Variants in QKI observed in about 807,000 individuals in gnomAD.
QKI encodes KH domain-containing RNA-binding protein QKI.
Under a neutral mutation model 39.0 loss-of-function variants are expected in QKI, and 10 were observed. The ratio of observed to expected loss-of-function variants is 0.26; its 90% CI spans 0.16 to 0.43. QKI has a LOEUF of 0.43. Ranked by LOEUF, QKI falls within the 20% of genes least tolerant of loss-of-function variation. The pLI is 1.00. For synonymous variants in QKI, 204 were observed against 155.4 expected (o/e 1.31, Z -2.33); for missense variants, 218 against 428.0 (o/e 0.51, Z 4.33).
At chr6:163,444,204 A>G (rs1263024752) in intron 1 of QKI, among the ~76,000 whole-genome samples, 2 of 152,212 alleles carry the variant, frequency 1.3e-5, no homozygotes. Context: ...GTCAGTACAG[A>G]AGGAGCACAA....
rs571821986 is a variant in QKI at position 163,531,782 on chromosome 6, A to G, written c.403-3200A>G. Among the ~76,000 whole-genome samples the G allele has an allele frequency of 3.3e-5, 5 of 152,330 alleles. No homozygotes were observed. The South Asian group carries it at 8.3e-4, about 25-fold the overall frequency. Reference sequence around the variant, plus strand: ...GGCCCCCCCAAAGTGCTGGGATTACAGGCATGAGCCACTGTGCCCGGCTGA... The same window carrying G: ...GGCCCCCCCAAAGTGCTGGGATTACGGGCATGAGCCACTGTGCCCGGCTGA... On this transcript the variant is annotated intron_variant, in intron 3 of 7. Transcript: ENST00000361752.
rs570513928 is a variant in QKI, at chr6:163,474,201, A to G, written c.286-4579A>G. ...TTTAATGTGATAAAGTGTATCTTCA[A>G]AAAGTTTAAGATTAAACTTTATGGT... On this transcript the variant is annotated intron_variant, in intron 2 of 7. Coordinates refer to ENST00000361752, the MANE Select transcript of QKI (RefSeq NM_006775.3). Among the ~76,000 whole-genome samples, 6 of 152,316 alleles carry G rather than the reference A, an allele frequency of 3.9e-5. No homozygotes were observed. The East Asian group carries it at 9.6e-4, about 24-fold the overall frequency.
chr6:163,515,468 T>C (rs548479930), intron 3 of QKI, among the ~76,000 whole-genome samples: 87 of 152,218 alleles, frequency 5.7e-4, no homozygotes, highest in African/African-American at 2.1e-3. Flanking sequence ...GGAATCAGTA[T>C]AAATGGCCAT....
At chr6:163,415,911 GTTAGT>G (rs748758520) in intron 1 of QKI, 40 of 513,652 alleles carry the variant, frequency 7.8e-5, no homozygotes, top group African/African-American at 1.7e-4. Context: ...TGTGGGGCTC[GTTAGT>G]TTAAAGAAAT....
At chr6:163,531,925 G>A (rs903127136) in intron 3 of QKI, among the ~76,000 whole-genome samples, 2 of 152,188 alleles carry the variant, frequency 1.3e-5, no homozygotes, top group African/African-American at 2.4e-5. Flanking sequence ...GTTTTTAAAA[G>A]TGTAAGCAAA....
chr6:163,443,776 A>G (rs1789934065), intron 1 of QKI, among the ~76,000 whole-genome samples: 1 of 152,210 alleles, frequency 6.6e-6, no homozygotes, highest in South Asian at 2.1e-4. Context: ...TCTGTATTGT[A>G]CTTAGGTGAA....
At chr6:163,511,977 A>G (rs970998538) in intron 3 of QKI, among the ~76,000 whole-genome samples, 3 of 75,308 alleles carry the variant, frequency 4.0e-5, no homozygotes, top group Admixed American at 3.4e-4. Flanking sequence ...TAAATTAACG[A>G]TAAAAAAAGA....
chr6:163,468,783 C>T (rs1358615930), intron 2 of QKI, among the ~76,000 whole-genome samples: 1 of 152,100 alleles, frequency 6.6e-6, no homozygotes, highest in Non-Finnish European at 1.5e-5. Context: ...AGTGTTGTGA[C>T]ATTGTTTTAA....
chr6:163,461,669 G>C (rs1478818317), intron 2 of QKI, among the ~76,000 whole-genome samples: 1 of 152,188 alleles, frequency 6.6e-6, no homozygotes, highest in Non-Finnish European at 1.5e-5. Flanking sequence ...AAATCGAGGA[G>C]AAATCTGCTT....
intron 3 of QKI, among the ~76,000 whole-genome samples, chr6:163,487,921 CTTCA>C (rs1777779112): frequency 6.6e-6 from 1 of 150,864 alleles, no homozygotes; most frequent in African/African-American, 2.4e-5. Context: ...TATTCTGTTT[CTTCA>C]TTCATATTAG....
intron 2 of QKI, chr6:163,457,634 A>ATTTTT (rs375211921): frequency 3.7e-6 from 1 of 270,210 alleles, no homozygotes. Context: ...CACTCCTCTA[A>ATTTTT]TTTTTTTTTT....
chr6:163,422,985 A>G (rs1262050095), intron 1 of QKI: 2 of 152,326 alleles, frequency 1.3e-5, no homozygotes, highest in East Asian at 3.9e-4. Context: ...ATAGTAAGAA[A>G]ACAAACATGC....
intron 3 of QKI, among the ~76,000 whole-genome samples, chr6:163,488,973 C>CTT (rs767477914): frequency 0.41 from 49,972 of 121,788 alleles, 11,681 homozygotes; most frequent in East Asian, 0.71. Flanking sequence ...CCTTCCATTT[C>CTT]TTTTTTTTTT....
chr6:163,558,312 G>A (rs1782766669), intron 4 of QKI, among the ~76,000 whole-genome samples: 1 of 152,022 alleles, frequency 6.6e-6, no homozygotes, highest in Non-Finnish European at 1.5e-5. Flanking sequence ...AAATCTCATT[G>A]TCAAAACCAG....
chr6:163,559,049 A>G (rs1782825924), intron 4 of QKI, among the ~76,000 whole-genome samples: 1 of 152,074 alleles, frequency 6.6e-6, no homozygotes, highest in Non-Finnish European at 1.5e-5. Context: ...AGTGGTAATC[A>G]CACACATTTC....
chr6:163,423,907 AC>A (rs1411804899), intron 1 of QKI, among the ~76,000 whole-genome samples: 2 of 152,246 alleles, frequency 1.3e-5, no homozygotes, highest in Admixed American at 6.5e-5. Flanking sequence ...AGGAATGTAT[AC>A]TTGTATCAGT....
chr6:163,499,085 C>G (rs721190), intron 3 of QKI, among the ~76,000 whole-genome samples: 1 of 151,974 alleles, frequency 6.6e-6, no homozygotes, highest in Non-Finnish European at 1.5e-5. Flanking sequence ...GTATGCAGTT[C>G]TACACTGCGG....
At chr6:163,439,562 C>T (rs1789597000) in intron 1 of QKI, among the ~76,000 whole-genome samples, 2 of 151,450 alleles carry the variant, frequency 1.3e-5, no homozygotes, top group African/African-American at 4.9e-5. Context: ...CCGTGTTGGC[C>T]AGGCTGTTCT....
rs1481325440 is a variant in QKI at position 163,449,658 on chromosome 6, A to C, written c.143-5621A>C. ...TTTCATTAATATTTTGTTGCTTATG[A>C]TTGAGTTAGTAAATAGTTTTTGTGT... On this transcript the variant is annotated intron_variant, in intron 1 of 7. Coordinates refer to ENST00000361752, the MANE Select transcript of QKI (RefSeq NM_006775.3). Among the ~76,000 whole-genome samples, 3 of 152,094 alleles carry C rather than the reference A, an allele frequency of 2.0e-5. No individual in the cohort carries two copies. In the East Asian group the frequency reaches 5.8e-4, roughly 29 times the overall value.
Sources: allele counts gnomAD v4.1 joint callset (sites outside exome capture counted in the v4.1 genomes callset), GRCh38; gene constraint gnomAD v4.1.1; transcripts MANE v1.5; gene names NCBI Gene and HGNC (gene_info 2026-07-23, HGNC 2026-07-21).